Variants in SEMA4D observed in about 807,000 individuals in gnomAD.
The protein encoded by SEMA4D is semaphorin-4D.
In SEMA4D, 22 loss-of-function variants were observed where a neutral mutation model predicts 74.8. The ratio of observed to expected loss-of-function variants is 0.29; its 90% CI spans 0.21 to 0.42. SEMA4D has a LOEUF of 0.42. Ranked by LOEUF, SEMA4D falls within the 10% of genes least tolerant of loss-of-function variation. The pLI, the probability that SEMA4D is intolerant of heterozygous loss-of-function variation, is 1.00. For missense variants in SEMA4D, 937 were observed against 1,118.4 expected, an observed-to-expected ratio of 0.84 and a Z score of 2.31; for synonymous variants, 445 against 463.7, an observed-to-expected ratio of 0.96 and a Z score of 0.52.
Position 89,479,494 on chromosome 9 carries a change from C to A in SEMA4D, c.-310+18425G>T, listed in dbSNP as rs910273640. On this transcript the variant is annotated intron_variant, in intron 1 of 15. Coordinates refer to ENST00000422704, the MANE Select transcript of SEMA4D (RefSeq NM_001371194.2). ...AAGCCCCTGTATCCCCTATTGTGTC[C>A]GGAATTGGTGGGTTCTTGGTCTCAC... The A allele has an allele frequency of 2.3e-5, 4 of 175,708 alleles. No individual in the cohort carries two copies. In the East Asian group the frequency reaches 5.1e-4, roughly 23 times the overall value. 10.9% of individuals were successfully genotyped at this position (175,708 alleles called of 1,614,324 possible).
chr9:89,374,105 G>A (rs928556732), downstream of SEMA4D, among the ~76,000 whole-genome samples: 1 of 152,236 alleles, frequency 6.6e-6, no homozygotes, highest in African/African-American at 2.4e-5. Context: ...ACAAGTGAAC[G>A]AGAATGTCCC....
chr9:89,497,071 C>T (rs1197954828), intron 1 of SEMA4D, among the ~76,000 whole-genome samples: 1 of 152,218 alleles, frequency 6.6e-6, no homozygotes, highest in Non-Finnish European at 1.5e-5. Flanking sequence ...CCTCATTTGA[C>T]GCAAACTGCC....
intron 2 of SEMA4D, among the ~76,000 whole-genome samples, chr9:89,415,002 T>C (rs1023710751): frequency 1.3e-5 from 2 of 152,198 alleles, no homozygotes; most frequent in African/African-American, 2.4e-5. Context: ...CTATCAGCAA[T>C]GTCGGCAGGA....
At chr9:89,456,156 G>C (rs944582037) in intron 1 of SEMA4D, among the ~76,000 whole-genome samples, 1 of 152,256 alleles carries the variant, frequency 6.6e-6, no homozygotes, top group Non-Finnish European at 1.5e-5. Context: ...ACAGCTAACA[G>C]ACAAGGATTA....
intron 4 of SEMA4D, among the ~76,000 whole-genome samples, chr9:89,401,165 C>T (rs984834437): frequency 2.6e-5 from 4 of 152,054 alleles, no homozygotes; most frequent in African/African-American, 9.7e-5. Flanking sequence ...AGTGATCCTC[C>T]CACTTCAGAC....
intron 1 of SEMA4D, among the ~76,000 whole-genome samples, chr9:89,478,412 A>G (rs964148118): frequency 1.3e-5 from 2 of 152,094 alleles, no homozygotes; most frequent in Admixed American, 6.5e-5. Flanking sequence ...AGCAGGACGG[A>G]GGCCCCCCTA....
At chr9:89,365,456 C>G (rs1439925756) in intron 16 of SEMA4D, 2 of 152,396 alleles carry the variant, frequency 1.3e-5, no homozygotes, top group African/African-American at 2.4e-5. Context: ...CCAAGGCCCC[C>G]AAATGGGCCA....
chr9:89,389,070 T>C (rs199756904), intron 9 of SEMA4D, 23 bp from the exon 10 acceptor site: 351 of 1,613,364 alleles, frequency 2.2e-4, no homozygotes, highest in Non-Finnish European at 2.8e-4. Flanking sequence ...CAAGAAGACG[T>C]GGTGGGCCGA....
intron 1 of SEMA4D, among the ~76,000 whole-genome samples, chr9:89,490,382 T>C (rs1825533668): frequency 6.6e-6 from 1 of 152,204 alleles, no homozygotes; most frequent in Non-Finnish European, 1.5e-5. Context: ...ATGCAGATGG[T>C]CCCCCATTTA....
intron 1 of SEMA4D, among the ~76,000 whole-genome samples, chr9:89,496,967 T>G (rs1262577457): frequency 6.6e-6 from 1 of 152,216 alleles, no homozygotes; most frequent in Non-Finnish European, 1.5e-5. Flanking sequence ...GAGCCTGGGA[T>G]GTGCTCAACA....
downstream of SEMA4D, chr9:89,376,747 G>A (rs1490796459): frequency 1.4e-6 from 2 of 1,470,994 alleles, no homozygotes; most frequent in Non-Finnish European, 1.8e-6. Context: ...ACATGTGGAG[G>A]GATGTGGAGG....
intron 9 of SEMA4D, 53 bp downstream of exon 9, chr9:89,391,211 G>A: frequency 4.4e-6 from 7 of 1,579,024 alleles, no homozygotes; most frequent in Non-Finnish European, 6.1e-6. Flanking sequence ...CATCATCCAG[G>A]CACACTATTG....
At chr9:89,443,260 C>T (rs151334261) in intron 2 of SEMA4D, among the ~76,000 whole-genome samples, 2,314 of 152,252 alleles carry the variant, frequency 0.015, 117 homozygotes, top group Admixed American at 0.099. Flanking sequence ...TGGAGAAGAA[C>T]GGATGCCAGT....
exon 17 of SEMA4D, chr9:89,363,891 G>A (rs367978309): frequency 1.9e-6 from 3 of 1,613,954 alleles, no homozygotes; most frequent in African/African-American, 2.7e-5. Flanking sequence ...GTCTGCACAG[G>A]GACACAGGTC....
At chr9:89,397,405 C>T (rs1016152321) in intron 5 of SEMA4D, among the ~76,000 whole-genome samples, 3 of 152,154 alleles carry the variant, frequency 2.0e-5, no homozygotes, top group South Asian at 2.1e-4. Context: ...CTAGGAACAG[C>T]GACACTAGGT....
chr9:89,462,776 C>T (rs974950932), intron 1 of SEMA4D, among the ~76,000 whole-genome samples: 1 of 151,030 alleles, frequency 6.6e-6, no homozygotes, highest in African/African-American at 2.4e-5. Flanking sequence ...GAGAGCCTGT[C>T]TCTACAAATA....
chr9:89,480,519 G>A (rs1427743070), intron 1 of SEMA4D, among the ~76,000 whole-genome samples: 3 of 152,238 alleles, frequency 2.0e-5, no homozygotes, highest in Admixed American at 2.0e-4. Context: ...TGGAGTGGGT[G>A]GGAGGCTCAG....
At position 89,484,045 on chromosome 9, in the gene SEMA4D, A is replaced by T. The variant is rs761397483; in HGVS notation, c.-310+13874T>A. 6.6e-6 allele frequency among the ~76,000 whole-genome samples: 1 copy of T among 152,230 alleles called. No homozygotes were observed. The highest frequency in any genetic ancestry group is 1.5e-5 in the Non-Finnish European group (1 of 68,028). On this transcript the variant is annotated intron_variant, in intron 1 of 15. Coordinates refer to ENST00000422704, the MANE Select transcript of SEMA4D (RefSeq NM_001371194.2). This position sits in a 1 kb window ranked among gnomAD's most constrained non-coding sequence, Gnocchi z 4.1. ...ACAACCACTGAGGGACAACCCCACT[A>T]AGGAAGAGGGCGGGCCCCACTGAGG...
intron 12 of SEMA4D, chr9:89,386,882 C>T: frequency 4.5e-6 from 1 of 221,042 alleles, no homozygotes; most frequent in South Asian, 6.3e-5. Context: ...TGGGAGGCTC[C>T]AAGGGCAGGC....
Sources: allele counts gnomAD v4.1 joint callset (sites outside exome capture counted in the v4.1 genomes callset), GRCh38; gene constraint gnomAD v4.1.1; non-coding constraint Gnocchi (gnomAD v3.1); transcripts MANE v1.5; gene names NCBI Gene and HGNC (gene_info 2026-07-23, HGNC 2026-07-21).